The following CDK1 variants were observed in gnomAD, a reference collection of about 807,000 sequenced individuals.
The protein encoded by CDK1 is cyclin dependent kinase 1.
A neutral mutation model predicts 34.6 loss-of-function variants in CDK1; 5 were observed. The observed-to-expected ratio is 0.14, with a 90% CI of 0.08 to 0.30. The LOEUF (loss-of-function observed/expected upper bound fraction) is 0.30. CDK1 is among the 10% of genes least tolerant of loss of function. The pLI is 1.00. For synonymous variants in CDK1, 108 were observed against 114.7 expected (o/e 0.94, Z 0.37); for missense variants, 157 against 345.7 (o/e 0.45, Z 4.33).
intron 4 of CDK1, chr10:60,787,811 G>T (rs2170007): frequency 0.74 from 163,534 of 221,142 alleles, 60,736 homozygotes; most frequent in East Asian, 0.81. Context: ...GACCAAAAAT[G>T]TTTAAAGACT....
intron 2 of CDK1, among the ~76,000 whole-genome samples, chr10:60,782,299 T>C (rs552025394): frequency 6.6e-6 from 1 of 152,344 alleles, no homozygotes; most frequent in African/African-American, 2.4e-5. Flanking sequence ...TCATTGACAT[T>C]AATTCTGATT....
chr10:60,784,073 G>A lies in CDK1; in HGVS notation c.38-632G>A, dbSNP rs1028722238. ...TTACACTATATTTTATGCCCACTTC[G>A]TTGCAGGGTAGGATATTGACAGAAG... is the stretch of plus-strand genomic sequence containing the variant. On this transcript the variant is annotated intron_variant, in intron 2 of 7. Coordinates refer to ENST00000395284, the MANE Select transcript of CDK1 (RefSeq NM_001786.5). 6.6e-5 allele frequency among the ~76,000 whole-genome samples: 10 copies of A among 152,234 alleles called. No individual in the cohort carries two copies. The South Asian group carries it at 1.7e-3, about 25-fold the overall frequency.
At chr10:60,791,657 T>G (rs2080360564) in intron 5 of CDK1, among the ~76,000 whole-genome samples, 1 of 152,160 alleles carries the variant, frequency 6.6e-6, no homozygotes, top group South Asian at 2.1e-4. Flanking sequence ...TCTTTAGTGA[T>G]TTGAAAAGCA....
intron 4 of CDK1, chr10:60,787,557 G>A (rs1330118356): frequency 6.6e-6 from 1 of 152,000 alleles, no homozygotes; most frequent in Admixed American, 6.5e-5. Context: ...CAAATGTCTT[G>A]TAAAGCACTT....
intron 3 of CDK1, 25 bp from the exon 4 acceptor site, chr10:60,785,639 T>G: frequency 6.9e-7 from 1 of 1,450,146 alleles, no homozygotes; most frequent in Non-Finnish European, 9.5e-7. Context: ...GCTGGATTCT[T>G]CTCTCATATA....
intron 6 of CDK1, 46 bp downstream of exon 6, chr10:60,792,099 A>G: frequency 6.3e-7 from 1 of 1,597,838 alleles, no homozygotes; most frequent in Non-Finnish European, 8.5e-7. Flanking sequence ...ATATGTAACA[A>G]TGAGATTACA....
chr10:60,784,007 CATA>C (rs1323772835), intron 2 of CDK1, among the ~76,000 whole-genome samples: 1 of 152,130 alleles, frequency 6.6e-6, no homozygotes, highest in African/African-American at 2.4e-5. Flanking sequence ...CTGAAAGTGT[CATA>C]ATGACTTTTA....
rs575647456 is a variant in CDK1 at position 60,781,062 on chromosome 10, T to A, written c.37+860T>A. 6.3e-3 allele frequency among the ~76,000 whole-genome samples: 937 copies of A among 147,626 alleles called. 11 individuals carry two copies. The highest frequency in any genetic ancestry group is 0.028 in the South Asian group (132 of 4,758). Reference sequence around the variant, plus strand: ...TGTGTATACATATATATATATATTTTTTTTTTAAATCACTTAAATACCTCA... The same window carrying A: ...TGTGTATACATATATATATATATTTATTTTTTAAATCACTTAAATACCTCA... On this transcript the variant is annotated intron_variant, in intron 2 of 7. Transcript: ENST00000395284.
At chr10:60,788,679 A>G (rs1316764010) in intron 5 of CDK1, among the ~76,000 whole-genome samples, 1 of 152,014 alleles carries the variant, frequency 6.6e-6, no homozygotes, top group Non-Finnish European at 1.5e-5. Context: ...CTTAAGGTAT[A>G]TTATTTCTGA....
At chr10:60,780,953 T>C (rs1229345069) in intron 2 of CDK1, among the ~76,000 whole-genome samples, 4 of 151,948 alleles carry the variant, frequency 2.6e-5, no homozygotes, top group African/African-American at 9.7e-5. Context: ...TGACAAGAAA[T>C]AGTGAAAAAC....
chr10:60,788,913 T>A (rs3213057), intron 5 of CDK1, among the ~76,000 whole-genome samples: 66 of 152,234 alleles, frequency 4.3e-4, no homozygotes, highest in African/African-American at 1.5e-3. Context: ...TCTTTATCAT[T>A]TTTTTACATG....
chr10:60,780,363 G>C (rs2080262563), intron 2 of CDK1, among the ~76,000 whole-genome samples, 161 bp downstream of exon 2: 1 of 152,126 alleles, frequency 6.6e-6, no homozygotes, highest in African/African-American at 2.4e-5. Context: ...ACGCAAATTT[G>C]CTCACATTTC....
At chr10:60,778,913 G>T (rs530833296) in intron 1 of CDK1, among the ~76,000 whole-genome samples, 1 of 152,198 alleles carries the variant, frequency 6.6e-6, no homozygotes, top group East Asian at 1.9e-4. Flanking sequence ...GCTCCCCCAC[G>T]CTGAGCGCCT....
In CDK1 at chr10:60,792,073, A is replaced by T. The variant is rs1467631565; in HGVS notation, c.653+20A>T. ...TTTCAGGTAGCTATTAAAAACTGAG[A>T]TAATAAAGGTAACATATATGTAACA... On this transcript the variant is annotated intron_variant, in intron 6 of 7. Transcript: ENST00000395284. 6.2e-7 allele frequency: 1 copy of T among 1,604,560 alleles called. No individual in the cohort carries two copies. The highest frequency in any genetic ancestry group is 2.2e-5 in the East Asian group (1 of 44,832).
intron 5 of CDK1, among the ~76,000 whole-genome samples, chr10:60,789,366 C>T (rs1197043194): frequency 6.6e-6 from 1 of 152,120 alleles, no homozygotes; most frequent in Non-Finnish European, 1.5e-5. Context: ...GTAATTGTAT[C>T]CATAAACCAA....
At chr10:60,781,655 T>A (rs2080274148) in intron 2 of CDK1, among the ~76,000 whole-genome samples, 3 of 152,220 alleles carry the variant, frequency 2.0e-5, no homozygotes, top group Admixed American at 2.0e-4. Flanking sequence ...TTAATTTGGA[T>A]TTCTTTGATG....
At chr10:60,778,775 A>G (rs1367833459) in intron 1 of CDK1, 3 of 152,126 alleles carry the variant, frequency 2.0e-5, no homozygotes, top group East Asian at 1.9e-4. Flanking sequence ...GAGGGAGGCT[A>G]TGGGAGCCCA....
intron 5 of CDK1, 123 bp downstream of exon 5, chr10:60,788,353 A>T: frequency 1.6e-6 from 1 of 608,928 alleles, no homozygotes; most frequent in Non-Finnish European, 2.6e-6. Context: ...GTATCAATTT[A>T]TTGCCTCTCA....
At chr10:60,786,868 T>C in intron 4 of CDK1, 1 of 978,132 alleles carries the variant, frequency 1.0e-6, no homozygotes, top group Non-Finnish European at 1.2e-6. Flanking sequence ...CAATCTTGCA[T>C]GACTTTTGGA....
Sources: allele counts gnomAD v4.1 joint callset (sites outside exome capture counted in the v4.1 genomes callset), GRCh38; gene constraint gnomAD v4.1.1; transcripts MANE v1.5; gene names NCBI Gene and HGNC (gene_info 2026-07-23, HGNC 2026-07-21).